Variants in CNTN3 observed in about 807,000 individuals in gnomAD.
The protein encoded by CNTN3 is contactin 3.
Under a neutral mutation model 119.1 loss-of-function variants are expected in CNTN3, and 60 were observed. That is an observed-to-expected ratio of 0.50 (90% confidence interval 0.41 to 0.62). CNTN3 has a LOEUF of 0.62. Ranked by LOEUF, CNTN3 falls within the 20% of genes least tolerant of loss-of-function variation. CNTN3 has a pLI of 0.00. For missense variants in CNTN3, 1,101 were observed against 1,242.4 expected, an observed-to-expected ratio of 0.89 and a Z score of 1.71; for synonymous variants, 450 against 438.7, an observed-to-expected ratio of 1.03 and a Z score of -0.32.
At chr3:74,591,466 T>G (rs964136465) in intron 1 of CNTN3, among the ~76,000 whole-genome samples, 1 of 151,936 alleles carries the variant, frequency 6.6e-6, no homozygotes, top group African/African-American at 2.4e-5. Flanking sequence ...GAAAGTGGTG[T>G]GAAGACAGCT....
chr3:74,264,486 C>T lies in CNTN3; in HGVS notation c.3002G>A (p.Gly1001Glu). The T allele has an allele frequency of 1.2e-6, 2 of 1,609,414 alleles. No individual in the cohort carries two copies. Among genetic ancestry groups the T allele is most frequent in the South Asian group, 1.1e-5 (1 of 90,928 alleles). Residue 1001 changes from glycine to glutamate, a missense_variant, in exon 23 of 23, where the codon GGA becomes GAA. By Grantham distance (98) the Gly-to-Glu change is moderately conservative (BLOSUM62 -2). Transcript: ENST00000263665. ...GACATTCGAGATGGCTGAAGTGGAT[C>T]CTCTTGCATCCATACCTGTCAAAGT... is the stretch of plus-strand genomic sequence containing the variant. ...IPRITSMDAR[G>E]STSAISNVHP...
chr3:74,298,485 T>C (rs1702386474), intron 17 of CNTN3, among the ~76,000 whole-genome samples: 1 of 152,148 alleles, frequency 6.6e-6, no homozygotes, highest in Non-Finnish European at 1.5e-5. Context: ...TAGGAAGATA[T>C]ACTTTCAGTT....
At chr3:74,444,075 A>G (rs917450164) in intron 4 of CNTN3, among the ~76,000 whole-genome samples, 1 of 152,004 alleles carries the variant, frequency 6.6e-6, no homozygotes, top group Non-Finnish European at 1.5e-5. Context: ...GCATCACTAT[A>G]ATCTCCGCCT....
intron 5 of CNTN3, among the ~76,000 whole-genome samples, chr3:74,394,654 A>G (rs577004814): frequency 1.2e-3 from 178 of 152,342 alleles, no homozygotes; most frequent in East Asian, 3.9e-4. Context: ...TGTTGAAATG[A>G]AAGTTAATCT....
chr3:74,265,124 T>A (rs1701641477), intron 22 of CNTN3, among the ~76,000 whole-genome samples: 1 of 152,164 alleles, frequency 6.6e-6, no homozygotes, highest in Non-Finnish European at 1.5e-5. Flanking sequence ...TTGTTTCTAT[T>A]TTATGCATTT....
chr3:74,374,360 G>A (rs1704421663), intron 5 of CNTN3, among the ~76,000 whole-genome samples: 1 of 150,988 alleles, frequency 6.6e-6, no homozygotes, highest in Admixed American at 6.6e-5. Context: ...TGGTGTATGT[G>A]TCTCAGGGAA....
chr3:74,389,291 A>G (rs192143636), intron 5 of CNTN3, among the ~76,000 whole-genome samples: 9 of 152,280 alleles, frequency 5.9e-5, no homozygotes, highest in Admixed American at 3.9e-4. Flanking sequence ...AATAGGTAAG[A>G]GCTTTCTAGT....
chr3:74,267,530 A>G (rs1701686998), intron 20 of CNTN3, 152 bp from the exon 21 acceptor site: 3 of 542,874 alleles, frequency 5.5e-6, no homozygotes, highest in Non-Finnish European at 9.9e-6. Context: ...GAAAAAAATA[A>G]CAGAGTATAT....
At position 74,486,591 on chromosome 3, in the gene CNTN3, G is replaced by C. The variant is rs151030773; in HGVS notation, c.223C>G (p.His75Asp). The C allele has an allele frequency of 2.3e-4, 363 of 1,605,644 alleles. No individual in the cohort carries two copies. The African/African-American group carries it at 4.6e-3, about 20-fold the overall frequency. The part of the protein sequence containing the change: ...NGSDIDMSME[H>D]RYKLNGGNLV... The stretch of plus-strand genomic sequence containing the variant: ...TTTCCTCCATTCAACTTATAACGAT[G>C]TTCCATACTCATATCAATATCACTT... Residue 75 changes from histidine (H) to aspartate (D), a missense_variant, in exon 4 of 23, where the codon CAT becomes GAT. Transcript: ENST00000263665.
chr3:74,452,727 A>G (rs78794877), intron 4 of CNTN3, among the ~76,000 whole-genome samples: 47 of 139,660 alleles, frequency 3.4e-4, no homozygotes, highest in Non-Finnish European at 5.9e-4. Context: ...TAGCATGAAG[A>G]GTTGTTGAAT....
At chr3:74,406,256 T>C (rs1024258023) in intron 5 of CNTN3, among the ~76,000 whole-genome samples, 2 of 152,118 alleles carry the variant, frequency 1.3e-5, no homozygotes, top group Non-Finnish European at 2.9e-5. Flanking sequence ...GTTATTTCTT[T>C]TTACAACAAA....
At chr3:74,338,707 T>G (rs1270776351) in intron 11 of CNTN3, among the ~76,000 whole-genome samples, 1 of 152,134 alleles carries the variant, frequency 6.6e-6, no homozygotes, top group African/African-American at 2.4e-5. Context: ...TGGGTACAGC[T>G]ATCTATTACG....
chr3:74,331,887 G>A (rs1559550875), intron 13 of CNTN3, among the ~76,000 whole-genome samples: 2 of 152,142 alleles, frequency 1.3e-5, no homozygotes, highest in Non-Finnish European at 2.9e-5. Context: ...AATCTATACA[G>A]TAGATCTGGT....
chr3:74,323,563 T>C (rs1441402002), intron 13 of CNTN3, among the ~76,000 whole-genome samples: 1 of 152,230 alleles, frequency 6.6e-6, no homozygotes, highest in Non-Finnish European at 1.5e-5. Context: ...TAGAAGCCAC[T>C]GCATCTTATA....
chr3:74,433,372 A>AT (rs200050014), intron 4 of CNTN3, among the ~76,000 whole-genome samples: 3,314 of 152,122 alleles, frequency 0.022, 58 homozygotes, highest in Non-Finnish European at 0.032. Context: ...CCACAAACAG[A>AT]TTTTTTCCTT....
rs1704534450 is a variant in CNTN3 at position 74,582,783 on chromosome 3, T to TG, written c.-81+31607_-81+31608insC. Among the ~76,000 whole-genome samples, 412 of 145,094 alleles carry TG rather than the reference T, an allele frequency of 2.8e-3. 4 individuals carry two copies. The highest frequency in any genetic ancestry group is 1.0e-2 in the African/African-American group (393 of 39,316). ...ACCCATCAAGTGCATGTGTATGCATTTGTGTGTGTGTGTGTGTGTGTGTGT... is the reference window on the plus strand; with the variant it reads ...ACCCATCAAGTGCATGTGTATGCATTGTGTGTGTGTGTGTGTGTGTGTGTGT... On this transcript the variant is annotated intron_variant, in intron 1 of 22. Transcript: ENST00000263665.
intron 1 of CNTN3, among the ~76,000 whole-genome samples, chr3:74,567,803 C>T (rs1028559991): frequency 2.0e-5 from 3 of 152,046 alleles, no homozygotes; most frequent in Non-Finnish European, 2.9e-5. Flanking sequence ...TGTGAAAGCG[C>T]TAGGAGAATA....
intron 2 of CNTN3, among the ~76,000 whole-genome samples, chr3:74,509,228 T>C (rs1364948641): frequency 2.0e-5 from 3 of 152,070 alleles, no homozygotes; most frequent in Non-Finnish European, 4.4e-5. Flanking sequence ...CTAGGCCCAG[T>C]ATTACACACT....
Position 74,371,806 on chromosome 3 carries a change from C to T in CNTN3, c.455-407G>A, listed in dbSNP as rs186944835. On this transcript the variant is annotated intron_variant, in intron 5 of 22. Coordinates refer to ENST00000263665, the MANE Select transcript of CNTN3 (RefSeq NM_020872.3). ...TCAGGCATCATGCAAAATTGCTTAA[C>T]CTGAATATGAGGCCCTTCATGGTTA... 2.3e-3 allele frequency among the ~76,000 whole-genome samples: 350 copies of T among 152,170 alleles called. 1 individual carries two copies. The highest frequency in any genetic ancestry group is 4.0e-3 in the Non-Finnish European group (271 of 67,982).
Sources: allele counts gnomAD v4.1 joint callset (sites outside exome capture counted in the v4.1 genomes callset), GRCh38; gene constraint gnomAD v4.1.1; transcripts MANE v1.5; gene names NCBI Gene and HGNC (gene_info 2026-07-23, HGNC 2026-07-21).